LRBA: variants seen among roughly 807,000 people sequenced by gnomAD.
LRBA encodes LPS responsive beige-like anchor protein.
Under a neutral mutation model 330.0 loss-of-function variants are expected in LRBA, and 176 were observed. That is an observed-to-expected ratio of 0.53 (90% CI 0.47 to 0.60). LRBA has a LOEUF of 0.60. LRBA is among the 20% of genes least tolerant of loss of function. The pLI is 0.00. For missense variants in LRBA, 3,259 were observed against 3,444.8 expected (o/e 0.95, Z 1.35); for synonymous variants, 1,230 against 1,193.0 (o/e 1.03, Z -0.64).
intron 37 of LRBA, among the ~76,000 whole-genome samples, chr4:150,677,915 A>G (rs1782711321): frequency 6.6e-6 from 1 of 152,188 alleles, no homozygotes; most frequent in Admixed American, 6.5e-5. Context: ...AATATACAAA[A>G]GATAATATTC....
At chr4:150,723,364 T>G (rs1328504462) in intron 36 of LRBA, among the ~76,000 whole-genome samples, 2 of 152,152 alleles carry the variant, frequency 1.3e-5, no homozygotes, top group East Asian at 1.9e-4. Context: ...GGATACCAGC[T>G]CAGCCACAGT....
intron 2 of LRBA, among the ~76,000 whole-genome samples, chr4:151,004,596 A>G (rs1028777329): frequency 2.6e-5 from 4 of 152,258 alleles, no homozygotes; most frequent in African/African-American, 9.6e-5. Context: ...AAAAGCTAAC[A>G]TGTGACTAAG....
At chr4:150,422,242 C>T (rs1748906501) in intron 46 of LRBA, among the ~76,000 whole-genome samples, 1 of 152,132 alleles carries the variant, frequency 6.6e-6, no homozygotes, top group African/African-American at 2.4e-5. Context: ...GCCTAGGAAA[C>T]AGAGTTAGAC....
chr4:150,520,067 C>T (rs939845644), intron 40 of LRBA, among the ~76,000 whole-genome samples: 2 of 152,092 alleles, frequency 1.3e-5, no homozygotes, highest in Non-Finnish European at 2.9e-5. Context: ...ATTTAGTAGA[C>T]ACAAGTTTTG....
rs527928042 is a variant in LRBA at position 150,683,524 on chromosome 4, G to A, written c.5921+27C>T. 1.6e-5 allele frequency: 25 copies of A among 1,596,360 alleles called. No homozygotes were observed. The East Asian group carries it at 5.4e-4, about 34-fold the overall frequency. The stretch of plus-strand genomic sequence containing the variant: ...CCTAAGCCATCTACAGAAAATCAGT[G>A]GCCAAATCCTAAAGGTATCCCTTTA... On this transcript the variant is annotated intron_variant, in intron 37 of 56. Transcript: ENST00000651943.
At chr4:150,718,692 GTTTTA>G (rs1728555787) in intron 36 of LRBA, among the ~76,000 whole-genome samples, 1 of 151,996 alleles carries the variant, frequency 6.6e-6, no homozygotes, top group African/African-American at 2.4e-5. Flanking sequence ...AATATTTCTT[GTTTTA>G]TTTAGAAATT....
chr4:150,346,782 A>C (rs1456779658), intron 48 of LRBA, among the ~76,000 whole-genome samples: 1 of 131,906 alleles, frequency 7.6e-6, no homozygotes, highest in Non-Finnish European at 1.7e-5. Flanking sequence ...AAAAAAAAAA[A>C]AAAAACACTT....
chr4:151,002,697 T>TA (rs145963697), intron 2 of LRBA, among the ~76,000 whole-genome samples: 2,070 of 147,222 alleles, frequency 0.014, 19 homozygotes, highest in Non-Finnish European at 0.021. Context: ...TAGATGATAT[T>TA]AAAAAAAAAA....
chr4:150,554,398 T>C (rs961384996), intron 40 of LRBA, among the ~76,000 whole-genome samples: 9 of 152,080 alleles, frequency 5.9e-5, no homozygotes, highest in Non-Finnish European at 1.3e-4. Flanking sequence ...GAGACAAGAG[T>C]TACTAAGCCA....
At position 150,397,523 on chromosome 4, in the gene LRBA, C is replaced by T. The variant is rs1487332345; in HGVS notation, c.7194+17915G>A. Among the ~76,000 whole-genome samples, 5 of 152,306 alleles carry T rather than the reference C, an allele frequency of 3.3e-5. No individual in the cohort carries two copies. The East Asian group carries it at 9.7e-4, about 29-fold the overall frequency. On this transcript the variant is annotated intron_variant, in intron 47 of 56. Coordinates refer to ENST00000651943, the MANE Select transcript of LRBA (RefSeq NM_001364905.1). ...AAACTCCCAGGCTCAAGCAATCCTCCTCCCTTGGCCTCCCAAAGCACTGGG... is the reference window on the plus strand; with the variant it reads ...AAACTCCCAGGCTCAAGCAATCCTCTTCCCTTGGCCTCCCAAAGCACTGGG...
At chr4:150,782,378 T>C (rs2126599052) in intron 34 of LRBA, among the ~76,000 whole-genome samples, 1 of 152,330 alleles carries the variant, frequency 6.6e-6, no homozygotes, top group East Asian at 1.9e-4. Context: ...TGTTTTCTCA[T>C]AATTCTAAAG....
In LRBA at chr4:150,476,984, G is replaced by A. The variant is rs1756787418; in HGVS notation, c.6552-5245C>T. Among the ~76,000 whole-genome samples the A allele has an allele frequency of 3.3e-5, 5 of 152,280 alleles. 1 individual carries two copies. The South Asian group carries it at 1.0e-3, about 32-fold the overall frequency. On this transcript the variant is annotated intron_variant, in intron 42 of 56. Coordinates refer to ENST00000651943, the MANE Select transcript of LRBA (RefSeq NM_001364905.1). ...CCTACCCTCTCACGTCCTACTGGCTGACAAGTCAGAACATTTGGTCTTAAT... is the reference window on the plus strand; with the variant it reads ...CCTACCCTCTCACGTCCTACTGGCTAACAAGTCAGAACATTTGGTCTTAAT...
intron 40 of LRBA, among the ~76,000 whole-genome samples, chr4:150,561,733 A>G (rs1768366982): frequency 6.6e-6 from 1 of 152,158 alleles, no homozygotes; most frequent in Admixed American, 6.6e-5. Flanking sequence ...TAAAGCCATT[A>G]CTTTTGTGGA....
intron 36 of LRBA, among the ~76,000 whole-genome samples, chr4:150,733,595 CA>C (rs1730792189): frequency 2.0e-5 from 3 of 151,784 alleles, no homozygotes; most frequent in African/African-American, 7.3e-5. Context: ...CACACACACA[CA>C]CACCTCAAGA....
At chr4:150,284,152 A>C (rs1464732942) in intron 54 of LRBA, among the ~76,000 whole-genome samples, 1 of 152,204 alleles carries the variant, frequency 6.6e-6, no homozygotes, top group Non-Finnish European at 1.5e-5. Context: ...GCAGCCAGGA[A>C]GGGAATGAAG....
At chr4:150,396,176 A>G (rs535436968) in intron 47 of LRBA, among the ~76,000 whole-genome samples, 3 of 152,322 alleles carry the variant, frequency 2.0e-5, no homozygotes, top group South Asian at 2.1e-4. Context: ...ATAAAAAAGC[A>G]GAAGGATGAA....
chr4:150,930,977 A>G (rs1734428902), intron 2 of LRBA, among the ~76,000 whole-genome samples: 1 of 152,228 alleles, frequency 6.6e-6, no homozygotes, highest in South Asian at 2.1e-4. Context: ...CTATTATACT[A>G]TGAAATATTC....
At chr4:150,276,108 G>A (rs1317760149) in intron 56 of LRBA, among the ~76,000 whole-genome samples, 1 of 152,162 alleles carries the variant, frequency 6.6e-6, no homozygotes, top group Non-Finnish European at 1.5e-5. Context: ...GAACAGAACA[G>A]AGGCCTCAGA....
At chr4:150,767,778 A>T (rs11726089) in intron 34 of LRBA, among the ~76,000 whole-genome samples, 124,510 of 142,580 alleles carry the variant, frequency 0.87, 54,932 homozygotes, top group Non-Finnish European at 0.94. Context: ...AAAAAAAAAA[A>T]TTTGGCCAGG....
Sources: gnomAD v4.1 joint callset for allele counts (sites outside exome capture counted in the v4.1 genomes callset) on GRCh38, gnomAD v4.1.1 for gene constraint, MANE v1.5 for transcripts, NCBI Gene and HGNC (gene_info 2026-07-23, HGNC 2026-07-21) for gene names.